NABP1: variants seen among roughly 807,000 people sequenced by gnomAD.
NABP1 encodes SOSS complex subunit B2.
A neutral mutation model predicts 25.0 loss-of-function variants in NABP1; 18 were observed. The observed-to-expected ratio is 0.72, with a 90% CI of 0.50 to 1.07. The LOEUF (loss-of-function observed/expected upper bound fraction) is 1.07. Ranked by LOEUF, NABP1 falls within the 50% of genes least tolerant of loss-of-function variation. The probability of loss-of-function intolerance (pLI) is 0.00; values close to 1 mark genes in which losing one functional copy is unlikely to be tolerated. For synonymous variants in NABP1, 71 were observed against 85.0 expected (o/e 0.84, Z 0.91); for missense variants, 270 against 255.6 (o/e 1.06, Z -0.39).
intron 2 of NABP1, 59 bp from the exon 3 acceptor site, chr2:191,681,887 G>T: frequency 1.7e-6 from 2 of 1,179,372 alleles, no homozygotes; most frequent in Admixed American, 2.8e-5. Flanking sequence ...AGATTTACTT[G>T]ATTTAAATAG....
In NABP1 at chr2:191,683,683, G is replaced by T; in HGVS notation, c.303-46G>T. The stretch of plus-strand genomic sequence containing the variant: ...AGATGTTACATAAAGAAGGGTTGAG[G>T]ACTTTATTTCAGAAGTCATTTAATT... On this transcript the variant is annotated intron_variant, in intron 3 of 5. Transcript: ENST00000425611. The surrounding 1 kb of genome is among the most constrained non-coding windows in gnomAD (Gnocchi z 4.1). The T allele has an allele frequency of 7.2e-7, 1 of 1,392,158 alleles. No individual in the cohort carries two copies. Among genetic ancestry groups the T allele is most frequent in the South Asian group, 1.2e-5 (1 of 84,100 alleles). The allele number at this position is 1,392,158 out of a possible 1,614,324, so 86.2% of individuals were successfully genotyped here. A position where few individuals can be genotyped will look rare whatever the true frequency, so the allele number is the denominator to read the frequency against.
chr2:191,681,177 C>T (rs200832837), intron 2 of NABP1, among the ~76,000 whole-genome samples: 4 of 151,926 alleles, frequency 2.6e-5, no homozygotes, highest in African/African-American at 7.3e-5. Context: ...AATAAATAAC[C>T]CTTTAATTAA....
Position 191,678,434 on chromosome 2 carries a change from T to TTTTTGG in NABP1, c.-180_-179insTTTGGT. On this transcript the variant is annotated 5_prime_UTR_variant, in exon 1 of 6. Transcript: ENST00000425611. Reference sequence around the variant, plus strand: ...TTTTTTTTTTTTTTTTTTTCTTTTTTTAGGCTCAGTGCTGTCCGGGCTGGT... The same window carrying TTTTTGG: ...TTTTTTTTTTTTTTTTTTTCTTTTTTTTTTGGTAGGCTCAGTGCTGTCCGGGCTGGT... 1.4e-5 allele frequency: 5 copies of TTTTTGG among 360,406 alleles called. No homozygotes were observed. Among genetic ancestry groups the TTTTTGG allele is most frequent in the Non-Finnish European group, 2.0e-5 (4 of 203,726 alleles). 22.3% of individuals were successfully genotyped at this position (360,406 alleles called of 1,614,324 possible). A position where few individuals can be genotyped will look rare whatever the true frequency, so the allele number is the denominator to read the frequency against.
chr2:191,681,974 A>C lies in NABP1; in HGVS notation c.259A>C (p.Thr87Pro). 1 of 1,516,446 alleles carries C rather than the reference A, an allele frequency of 6.6e-7. No homozygotes were observed. Among genetic ancestry groups the C allele is most frequent in the Non-Finnish European group, 8.8e-7 (1 of 1,137,902 alleles). 93.9% of individuals were successfully genotyped at this position (1,516,446 alleles called of 1,614,324 possible). ...GYASMWKGCL[T>P]LYTGRGGELQ... ...TGCATCCATGTGGAAAGGATGTCTG[A>C]CACTTTATACTGGAAGGGGTGGTGA... The change falls in exon 3 of 6, where the codon ACA (threonine) becomes CCA (proline). Residue 87 changes from threonine (T) to proline (P), a missense_variant. Transcript: ENST00000425611.
At position 191,685,682 on chromosome 2, in the gene NABP1, C is replaced by A. The variant is rs373316977; in HGVS notation, c.529C>A (p.Pro177Thr). 2.5e-6 allele frequency: 4 copies of A among 1,613,848 alleles called. No individual in the cohort carries two copies. The African/African-American group carries it at 5.3e-5, about 22-fold the overall frequency. Residue 177 changes from proline (P) to threonine (T), a missense_variant, in exon 6 of 6, where the codon CCA becomes ACA. Transcript: ENST00000425611. The stretch of plus-strand genomic sequence containing the variant: ...AAGCAATGGCCGGGGACTTATAAAT[C>A]CACAACTACAAGGAACAGCTAGTAA... Reference protein sequence around the residue: ...GRSNGRGLINPQLQGTASNQT... With the variant: ...GRSNGRGLINTQLQGTASNQT...
Position 191,685,630 on chromosome 2 carries a change from G to A in NABP1, c.477G>A (p.Arg159=), listed in dbSNP as rs1246146226. Residue 159 remains arginine (R), a synonymous_variant, in exon 6 of 6, where the codon AGG becomes AGA. Coordinates refer to ENST00000425611, the MANE Select transcript of NABP1 (RefSeq NM_001031716.5). ...GNGVHTGPES[R]EHQFSHAGRS... ...GTGTTCACACTGGCCCTGAATCAAG[G>A]GAACACCAGTTTTCACATGCTGGCA... The A allele has an allele frequency of 6.2e-7, 1 of 1,613,532 alleles. No individual in the cohort carries two copies. Among genetic ancestry groups the A allele is most frequent in the East Asian group, 2.2e-5 (1 of 44,842 alleles).
At chr2:191,679,673 G>A (rs1268193446) in intron 2 of NABP1, among the ~76,000 whole-genome samples, 1 of 152,096 alleles carries the variant, frequency 6.6e-6, no homozygotes, top group East Asian at 1.9e-4. Flanking sequence ...CACCACGCCC[G>A]GCATAGATTT....
chr2:191,678,283 G>GT lies in NABP1; in HGVS notation c.-323dup, dbSNP rs1003138177. 162 of 180,590 alleles carry GT rather than the reference G, an allele frequency of 9.0e-4. No individual in the cohort carries two copies. The highest frequency in any genetic ancestry group is 1.7e-3 in the East Asian group (12 of 7,026). The allele number at this position is 180,590 out of a possible 1,614,324, so 11.2% of individuals were successfully genotyped here. On this transcript the variant is annotated 5_prime_UTR_variant, in exon 1 of 6. Transcript: ENST00000425611. ...CAGGGCAGAAGTGTCCCCTCACTGC[G>GT]TTTTTTTTTCCTTTTATCCAAAGAA...
chr2:191,684,144 C>G, intron 4 of NABP1, 86 bp from the exon 5 acceptor site: 2 of 725,448 alleles, frequency 2.8e-6, no homozygotes, highest in Non-Finnish European at 4.1e-6. Flanking sequence ...AAACCCAAAA[C>G]TTTAAAAAAG....
At chr2:191,680,680 A>T (rs1456289715) in intron 2 of NABP1, among the ~76,000 whole-genome samples, 1 of 152,214 alleles carries the variant, frequency 6.6e-6, no homozygotes, top group African/African-American at 2.4e-5. Context: ...AATTAAACTT[A>T]TTAGTTAGGT....
Position 191,679,090 on chromosome 2 carries a change from T to C in NABP1, c.192T>C (p.Gly64=). 6.2e-7 allele frequency: 1 copy of C among 1,613,630 alleles called. No homozygotes were observed. Among genetic ancestry groups the C allele is most frequent in the African/African-American group, 1.3e-5 (1 of 74,786 alleles). The change falls in exon 2 of 6, where the codon GGT becomes GGC. Residue 64 remains glycine (G), a synonymous_variant. Transcript: ENST00000425611. ...ITISVWDEIG[G]LIQPGDIIRL... is the part of the protein sequence containing the mutation. ...TTTCCGTGTGGGATGAGATCGGAGG[T>C]CTTATACAGCCAGGGGATATTATTC...
In NABP1 at chr2:191,686,573, G is replaced by T. The variant is rs1469139852; in HGVS notation, c.*805G>T. ...ATTCATCTGATTATTTTAAACAATAGTTGTGGTAGATAAACATACTGGAGG... is the reference window on the plus strand; with the variant it reads ...ATTCATCTGATTATTTTAAACAATATTTGTGGTAGATAAACATACTGGAGG... On this transcript the variant is annotated 3_prime_UTR_variant, in exon 6 of 6. Coordinates refer to ENST00000425611, the MANE Select transcript of NABP1 (RefSeq NM_001031716.5). 4 of 152,180 alleles carry T rather than the reference G, an allele frequency of 2.6e-5. No homozygotes were observed. The allele number at this position is 152,180 out of a possible 1,614,324, so 9.4% of individuals were successfully genotyped here. A position where few individuals can be genotyped will look rare whatever the true frequency, so the allele number is the denominator to read the frequency against.
chr2:191,678,955 A>G, intron 1 of NABP1, 35 bp from the exon 2 acceptor site: 2 of 1,614,118 alleles, frequency 1.2e-6, no homozygotes, highest in Non-Finnish European at 1.7e-6. Context: ...CTCATTATCT[A>G]ACAACCCCTC....
chr2:191,681,627 A>G (rs1470828033), intron 2 of NABP1, among the ~76,000 whole-genome samples: 1 of 152,206 alleles, frequency 6.6e-6, no homozygotes, highest in Non-Finnish European at 1.5e-5. Context: ...AATTTCTGCA[A>G]TTAAAAGCTT....
In NABP1 at chr2:191,678,417, T is replaced by C. The variant is rs1687559212; in HGVS notation, c.-198T>C. ...AACTTGTGAGCCTTTTTTTTTTTTT[T>C]TTTTTTTTTTCTTTTTTTAGGCTCA... On this transcript the variant is annotated 5_prime_UTR_variant, in exon 1 of 6. Transcript: ENST00000425611. 6.7e-6 allele frequency: 2 copies of C among 296,708 alleles called. No individual in the cohort carries two copies. The highest frequency in any genetic ancestry group is 5.2e-5 in the East Asian group (1 of 19,168). 18.4% of individuals were successfully genotyped at this position (296,708 alleles called of 1,614,324 possible). A position where few individuals can be genotyped will look rare whatever the true frequency, so the allele number is the denominator to read the frequency against.
Position 191,678,581 on chromosome 2 carries a change from G to C in NABP1, c.-34G>C. ...AGCTTTGACCCCGCCCTGCCCACTC[G>C]CGTCTCCGCAGCCGTAGCCGCGCCT... is the stretch of plus-strand genomic sequence containing the variant. On this transcript the variant is annotated 5_prime_UTR_variant, in exon 1 of 6. Transcript: ENST00000425611. 9 of 1,531,224 alleles carry C rather than the reference G, an allele frequency of 5.9e-6. No individual in the cohort carries two copies. The highest frequency in any genetic ancestry group is 2.3e-5 in the East Asian group (1 of 44,402). The allele number at this position is 1,531,224 out of a possible 1,614,324, so 94.9% of individuals were successfully genotyped here. A position where few individuals can be genotyped will look rare whatever the true frequency, so the allele number is the denominator to read the frequency against.
In NABP1 at chr2:191,683,064, C is replaced by A. The variant is rs1264747549; in HGVS notation, c.303-665C>A. The stretch of plus-strand genomic sequence containing the variant: ...ACGTGAAAAACCGTTAGAGGTCACT[C>A]ATTTCTTAATGACTGCTCTTTGTCA... On this transcript the variant is annotated intron_variant, in intron 3 of 5. Transcript: ENST00000425611. This position sits in a 1 kb window ranked among gnomAD's most constrained non-coding sequence, Gnocchi z 4.1. 6.4e-6 allele frequency: 1 copy of A among 157,456 alleles called. No homozygotes were observed. The highest frequency in any genetic ancestry group is 1.4e-5 in the Non-Finnish European group (1 of 71,436). 9.8% of individuals were successfully genotyped at this position (157,456 alleles called of 1,614,324 possible).
intron 2 of NABP1, among the ~76,000 whole-genome samples, chr2:191,680,706 G>T (rs1558985867): frequency 6.6e-6 from 1 of 152,130 alleles, no homozygotes. Flanking sequence ...AGAATTTTAA[G>T]GGGAACAATT....
At chr2:191,682,657 A>G (rs1411196908) in intron 3 of NABP1, 4 of 448,836 alleles carry the variant, frequency 8.9e-6, no homozygotes, top group Middle Eastern at 4.0e-4. Context: ...GGTACAGGCA[A>G]TGAGCCAAAT....
Sources: gnomAD v4.1 joint callset for allele counts (sites outside exome capture counted in the v4.1 genomes callset) on GRCh38, gnomAD v4.1.1 for gene constraint, Gnocchi (gnomAD v3.1) non-coding constraint, MANE v1.5 for transcripts, NCBI Gene and HGNC (gene_info 2026-07-23, HGNC 2026-07-21) for gene names.